The following ATP8B4 variants were observed in gnomAD, a reference collection of about 807,000 sequenced individuals.
The protein encoded by ATP8B4 is probable phospholipid-transporting ATPase IM.
A neutral mutation model predicts 145.6 loss-of-function variants in ATP8B4; 133 were observed. The ratio of observed to expected loss-of-function variants is 0.91; its 90% CI spans 0.79 to 1.05. The LOEUF is 1.05. ATP8B4 is among the 50% of genes least tolerant of loss of function. The pLI is 0.00. For missense variants in ATP8B4, 1,458 were observed against 1,425.2 expected, an observed-to-expected ratio of 1.02 and a Z score of -0.37; for synonymous variants, 507 against 492.9, an observed-to-expected ratio of 1.03 and a Z score of -0.38.
chr15:49,876,617 A>C, intron 24 of ATP8B4, 94 bp from the exon 25 acceptor site: 1 of 1,525,670 alleles, frequency 6.6e-7, no homozygotes, highest in South Asian at 1.1e-5. Context: ...TGCCTGTTTA[A>C]ACATGTCCTA....
chr15:49,935,576 T>G (rs1160737954), intron 14 of ATP8B4, among the ~76,000 whole-genome samples: 1 of 152,070 alleles, frequency 6.6e-6, no homozygotes, highest in African/African-American at 2.4e-5. Context: ...AATCAAATAC[T>G]ACATTAAGGC....
rs983647189 is a variant in ATP8B4, at chr15:50,165,736, T to C, written c.-43+16525A>G. On this transcript the variant is annotated intron_variant, in intron 1 of 3. Transcript: ENST00000558829. Reference sequence around the variant, plus strand: ...AAGCTGAGGTGGAAATCTCAGTCAATTGAATGTAGGTTTAAAATTATCAAA... The same window carrying C: ...AAGCTGAGGTGGAAATCTCAGTCAACTGAATGTAGGTTTAAAATTATCAAA... 4.6e-5 allele frequency among the ~76,000 whole-genome samples: 7 copies of C among 151,802 alleles called. No individual in the cohort carries two copies. The South Asian group carries it at 1.0e-3, about 23-fold the overall frequency.
intron 3 of ATP8B4, among the ~76,000 whole-genome samples, chr15:50,052,793 AGATG>A (rs1183369827): frequency 6.6e-6 from 1 of 152,336 alleles, no homozygotes; most frequent in East Asian, 1.9e-4. Context: ...AGCACAGACT[AGATG>A]GAGTAGTTCC....
intron 6 of ATP8B4, among the ~76,000 whole-genome samples, chr15:50,034,422 GT>G (rs2153596438): frequency 6.6e-6 from 1 of 151,922 alleles, no homozygotes; most frequent in East Asian, 1.9e-4. Context: ...TAGAGATGGG[GT>G]TTCACCATGT....
At chr15:49,968,163 G>C (rs577307068) in intron 13 of ATP8B4, among the ~76,000 whole-genome samples, 3 of 152,224 alleles carry the variant, frequency 2.0e-5, no homozygotes, top group Non-Finnish European at 2.9e-5. Flanking sequence ...ACCAGCCACT[G>C]CAAAAACATA....
rs78869234 is a variant in ATP8B4, at chr15:49,920,783, G to A, written c.1759-373C>T. Among the ~76,000 whole-genome samples the A allele has an allele frequency of 2.4e-4, 37 of 152,264 alleles. No individual in the cohort carries two copies. The East Asian group carries it at 7.1e-3, about 29-fold the overall frequency. ...GAAGGAAGCATTTCTGGCCATGAGA[G>A]GGACCCAGTGTGTTTTATGGACCTC... On this transcript the variant is annotated intron_variant, in intron 17 of 27. Transcript: ENST00000284509.
At chr15:50,012,784 T>G (rs546359909) in intron 6 of ATP8B4, among the ~76,000 whole-genome samples, 80 of 152,282 alleles carry the variant, frequency 5.3e-4, no homozygotes, top group African/African-American at 1.8e-3. Context: ...TAAACCATAG[T>G]CTGTGTGAGA....
chr15:49,867,775 G>C (rs1450794363), intron 25 of ATP8B4, among the ~76,000 whole-genome samples: 1 of 152,150 alleles, frequency 6.6e-6, no homozygotes, highest in African/African-American at 2.4e-5. Context: ...GACCCCGTAA[G>C]AAGATGCAAT....
chr15:49,918,764 C>A (rs1458323922), intron 19 of ATP8B4, 75 bp downstream of exon 19: 4 of 1,048,474 alleles, frequency 3.8e-6, no homozygotes, highest in Non-Finnish European at 5.8e-6. Context: ...ATTAACCTTT[C>A]TGGTTAATTA....
At chr15:50,158,415 C>G (rs1329168669) in intron 1 of ATP8B4, among the ~76,000 whole-genome samples, 1 of 149,500 alleles carries the variant, frequency 6.7e-6, no homozygotes, top group East Asian at 2.0e-4. Flanking sequence ...GCCCGGCCAG[C>G]TGCCCCGTCC....
intron 2 of ATP8B4, among the ~76,000 whole-genome samples, chr15:50,092,456 T>G (rs1249770065): frequency 6.6e-6 from 1 of 152,030 alleles, no homozygotes; most frequent in African/African-American, 2.4e-5. Context: ...AACTATTAGA[T>G]TTGGACTTTA....
At chr15:49,893,107 T>C (rs963406476) in intron 23 of ATP8B4, among the ~76,000 whole-genome samples, 5 of 152,232 alleles carry the variant, frequency 3.3e-5, no homozygotes, top group African/African-American at 7.2e-5. Context: ...TCAAAGGATA[T>C]TGTAATATAC....
At chr15:50,013,968 CT>C (rs1323522728) in intron 6 of ATP8B4, among the ~76,000 whole-genome samples, 3 of 152,182 alleles carry the variant, frequency 2.0e-5, no homozygotes, top group Admixed American at 6.5e-5. Flanking sequence ...TAGACTATTG[CT>C]TTCAGAAGCT....
intron 1 of ATP8B4, 27 bp from the exon 2 acceptor site, chr15:50,107,035 T>C (rs964144565): frequency 5.6e-6 from 8 of 1,421,832 alleles, no homozygotes; most frequent in Non-Finnish European, 6.6e-6. Flanking sequence ...TGCATATTAG[T>C]ATCTGAAAAA....
chr15:50,153,269 C>A (rs962235837), intron 1 of ATP8B4, among the ~76,000 whole-genome samples: 1 of 151,202 alleles, frequency 6.6e-6, no homozygotes, highest in African/African-American at 2.4e-5. Context: ...TAGAACTGAA[C>A]AAGAGAAGTT....
chr15:49,866,308 C>T lies in ATP8B4; in HGVS notation c.3166+38G>A, dbSNP rs1326814453. On this transcript the variant is annotated intron_variant, in intron 26 of 27. Transcript: ENST00000284509. ...AAATTATAAGACAAGTAAACAGCAG[C>T]AGACACTAGGTTCCACTAGTCAACA... 9.4e-6 allele frequency: 15 copies of T among 1,599,448 alleles called. No individual in the cohort carries two copies. The Admixed American group carries it at 2.6e-4, about 27-fold the overall frequency.
chr15:50,095,444 G>A (rs550713969), intron 2 of ATP8B4, among the ~76,000 whole-genome samples: 29 of 152,218 alleles, frequency 1.9e-4, no homozygotes, highest in South Asian at 1.4e-3. Flanking sequence ...GTTAACATAC[G>A]GTTGAATTTA....
intron 13 of ATP8B4, among the ~76,000 whole-genome samples, chr15:49,964,918 A>G (rs2044391213): frequency 6.6e-6 from 1 of 152,170 alleles, no homozygotes; most frequent in Non-Finnish European, 1.5e-5. Flanking sequence ...GGTCCCCAAA[A>G]CTCAAAATAT....
rs768476444 is a variant in ATP8B4 at position 49,979,664 on chromosome 15, T to A, written c.987A>T (p.Ser329=). 1 of 1,603,062 alleles carries A rather than the reference T, an allele frequency of 6.2e-7. No homozygotes were observed. Among genetic ancestry groups the A allele is most frequent in the Non-Finnish European group, 8.5e-7 (1 of 1,172,374 alleles). Residue 329 remains serine (S), a synonymous_variant, in exon 12 of 28, where the codon TCA becomes TCT. Transcript: ENST00000284509. ...SVFSGFLTFW[S]YIIILNTVVP... ...CAACTGTATTGAGAATAATAATATA[T>A]GACCAGAATGTTAAGAATCCGGAGA...
Sources: allele counts gnomAD v4.1 joint callset (sites outside exome capture counted in the v4.1 genomes callset), GRCh38; gene constraint gnomAD v4.1.1; transcripts MANE v1.5; gene names NCBI Gene and HGNC (gene_info 2026-07-23, HGNC 2026-07-21).